The following GFRA1 variants were observed in gnomAD, a reference collection of about 807,000 sequenced individuals.
GFRA1 encodes GDNF family receptor alpha-1.
A neutral mutation model predicts 51.6 loss-of-function variants in GFRA1; 16 were observed. The observed-to-expected ratio is 0.31, with a 90% CI of 0.21 to 0.47. The LOEUF (loss-of-function observed/expected upper bound fraction) is 0.47, where lower values mean the gene tolerates loss of function less well. GFRA1 is among the 20% of genes least tolerant of loss of function. The pLI is 1.00. For synonymous variants in GFRA1, 270 were observed against 241.3 expected, an observed-to-expected ratio of 1.12 and a Z score of -1.10; for missense variants, 530 against 594.3, an observed-to-expected ratio of 0.89 and a Z score of 1.13.
At chr10:116,162,843 G>C (rs1413734625) in intron 5 of GFRA1, among the ~76,000 whole-genome samples, 1 of 152,188 alleles carries the variant, frequency 6.6e-6, no homozygotes, top group East Asian at 1.9e-4. Context: ...CAAAGTCCTT[G>C]CAAGAGTTGT....
intron 5 of GFRA1, among the ~76,000 whole-genome samples, chr10:116,181,609 T>C (rs1962223936): frequency 6.7e-6 from 1 of 149,742 alleles, no homozygotes; most frequent in South Asian, 2.1e-4. Flanking sequence ...GCTAGCTATA[T>C]ACACAAAAAT....
chr10:116,176,110 T>TA (rs1479176854), intron 5 of GFRA1, among the ~76,000 whole-genome samples: 1 of 152,216 alleles, frequency 6.6e-6, no homozygotes, highest in Admixed American at 6.5e-5. Flanking sequence ...TATGCTTTTA[T>TA]AGCCCAAGGA....
chr10:116,156,113 T>C (rs894890736), intron 5 of GFRA1, among the ~76,000 whole-genome samples: 2 of 152,174 alleles, frequency 1.3e-5, no homozygotes, highest in African/African-American at 4.8e-5. Flanking sequence ...CAAGCAAAAC[T>C]GTGTGTTCCT....
intron 5 of GFRA1, among the ~76,000 whole-genome samples, chr10:116,171,191 G>A (rs989333471): frequency 1.3e-5 from 2 of 152,130 alleles, no homozygotes; most frequent in South Asian, 2.1e-4. Context: ...TGCTATTTCC[G>A]ACTAATCCTA....
intron 5 of GFRA1, among the ~76,000 whole-genome samples, chr10:116,193,412 G>A (rs1963444145): frequency 6.6e-6 from 1 of 152,108 alleles, no homozygotes; most frequent in South Asian, 2.1e-4. Flanking sequence ...AACACACTTT[G>A]GGGAGATGAG....
intron 5 of GFRA1, among the ~76,000 whole-genome samples, chr10:116,141,115 T>C (rs1326401028): frequency 2.6e-5 from 4 of 152,252 alleles, no homozygotes; most frequent in African/African-American, 9.6e-5. Context: ...GTGACTAATG[T>C]TCACGTAAAG....
chr10:116,208,576 T>C (rs1964957422), intron 5 of GFRA1, among the ~76,000 whole-genome samples: 1 of 152,172 alleles, frequency 6.6e-6, no homozygotes, highest in Non-Finnish European at 1.5e-5. Flanking sequence ...CTCTCTGGGC[T>C]CAGAGTCTTC....
At chr10:116,120,088 A>G (rs1431247267) in intron 6 of GFRA1, among the ~76,000 whole-genome samples, 1 of 152,200 alleles carries the variant, frequency 6.6e-6, no homozygotes, top group African/African-American at 2.4e-5. Flanking sequence ...ATATATGGTG[A>G]TTTCATCAAA....
intron 4 of GFRA1, among the ~76,000 whole-genome samples, chr10:116,241,555 T>C (rs1248832070): frequency 6.6e-6 from 1 of 152,158 alleles, no homozygotes. Context: ...ATGATGCAGA[T>C]GAGTTTGGGA....
chr10:116,218,165 C>T (rs750485255), intron 4 of GFRA1, among the ~76,000 whole-genome samples: 21 of 152,258 alleles, frequency 1.4e-4, no homozygotes, highest in Non-Finnish European at 2.6e-4. Flanking sequence ...TGCCAGAAAC[C>T]CAAGGCCTGA....
chr10:116,260,549 T>G (rs571347253), intron 4 of GFRA1, among the ~76,000 whole-genome samples: 1 of 152,330 alleles, frequency 6.6e-6, no homozygotes, highest in South Asian at 2.1e-4. Context: ...CAGCCTACTA[T>G]TTGAAGAAAG....
intron 4 of GFRA1, among the ~76,000 whole-genome samples, chr10:116,262,925 A>G (rs548114666): frequency 6.6e-6 from 1 of 152,298 alleles, no homozygotes; most frequent in East Asian, 1.9e-4. Flanking sequence ...GATCACAAGA[A>G]TCCTTAAGCA....
rs777984314 is a variant in GFRA1, at chr10:116,096,813, C to T, written c.771-49G>A. 4.8e-5 allele frequency: 48 copies of T among 995,134 alleles called. No homozygotes were observed. In the Middle Eastern group the frequency reaches 4.7e-3, roughly 96 times the overall value. 61.6% of individuals were successfully genotyped at this position (995,134 alleles called of 1,614,324 possible). A position where few individuals can be genotyped will look rare whatever the true frequency, so the allele number is the denominator to read the frequency against. The stretch of plus-strand genomic sequence containing the variant: ...GGGGTGGAAATGTGCTTTAAAACAT[C>T]CTAAGCCTCCGGACAGACATGTTTT... On this transcript the variant is annotated intron_variant, in intron 6 of 10. Coordinates refer to ENST00000355422, the MANE Select transcript of GFRA1 (RefSeq NM_005264.8).
At chr10:116,199,885 T>C (rs1964190822) in intron 5 of GFRA1, among the ~76,000 whole-genome samples, 1 of 152,248 alleles carries the variant, frequency 6.6e-6, no homozygotes, top group Non-Finnish European at 1.5e-5. Context: ...CAATCGCTAC[T>C]TTCATTTCCC....
intron 5 of GFRA1, among the ~76,000 whole-genome samples, chr10:116,154,803 T>C (rs758253893): frequency 2.6e-5 from 4 of 152,192 alleles, no homozygotes; most frequent in African/African-American, 4.8e-5. Context: ...CAGAGAGGAA[T>C]GGGTATCTGC....
At position 116,267,661 on chromosome 10, in the gene GFRA1, G is replaced by A. The variant is rs1969770161; in HGVS notation, c.418+1842C>T. 2.6e-5 allele frequency among the ~76,000 whole-genome samples: 4 copies of A among 152,178 alleles called. No individual in the cohort carries two copies. The South Asian group carries it at 8.3e-4, about 32-fold the overall frequency. On this transcript the variant is annotated intron_variant, in intron 4 of 10. Transcript: ENST00000355422. ...AACAGGCATTGTCCCTCAAAAGCAGGATGAAGGTCAGGTTTGCCTCTGGCA... is the reference window on the plus strand; with the variant it reads ...AACAGGCATTGTCCCTCAAAAGCAGAATGAAGGTCAGGTTTGCCTCTGGCA...
At chr10:116,149,459 G>A (rs1427096106) in intron 5 of GFRA1, among the ~76,000 whole-genome samples, 1 of 152,086 alleles carries the variant, frequency 6.6e-6, no homozygotes, top group Non-Finnish European at 1.5e-5. Flanking sequence ...TAGCTGAAGG[G>A]GTGTTAAGCT....
At chr10:116,185,697 C>A (rs1198736303) in intron 5 of GFRA1, among the ~76,000 whole-genome samples, 1 of 152,182 alleles carries the variant, frequency 6.6e-6, no homozygotes. Flanking sequence ...GTGGCTTCTC[C>A]CCCTCCCTGT....
At chr10:116,269,259 C>CT (rs1969906033) in intron 4 of GFRA1, among the ~76,000 whole-genome samples, 1 of 151,992 alleles carries the variant, frequency 6.6e-6, no homozygotes, top group African/African-American at 2.4e-5. Flanking sequence ...AATACTCAAC[C>CT]AAGTCACCTC....
Sources: gnomAD v4.1 joint callset for allele counts (sites outside exome capture counted in the v4.1 genomes callset) on GRCh38, gnomAD v4.1.1 for gene constraint, MANE v1.5 for transcripts, NCBI Gene and HGNC (gene_info 2026-07-23, HGNC 2026-07-21) for gene names.